RGS5: variants seen among roughly 807,000 people sequenced by gnomAD.
The protein encoded by RGS5 is regulator of G-protein signalling 5.
Under a neutral mutation model 18.9 loss-of-function variants are expected in RGS5, and 20 were observed. The ratio of observed to expected loss-of-function variants is 1.06; its 90% CI spans 0.74 to 1.54. RGS5 has a LOEUF of 1.54. RGS5 is among the 40% of genes most tolerant of loss of function. The pLI is 0.00. For missense variants in RGS5, 201 were observed against 211.8 expected, an observed-to-expected ratio of 0.95 and a Z score of 0.32; for synonymous variants, 57 against 76.2, an observed-to-expected ratio of 0.75 and a Z score of 1.31.
rs77059420 is a variant in RGS5 at position 163,159,462 on chromosome 1, A to G, written c.217+2453T>C. 9.3e-3 allele frequency among the ~76,000 whole-genome samples: 1,420 copies of G among 152,336 alleles called. 16 individuals carry two copies. The highest frequency in any genetic ancestry group is 0.036 in the South Asian group (175 of 4,830). ...ATTTATATTCTTCTGCCATGGCTTC[A>G]GTCGATCCCTCCATTCGGGGTCCCT... On this transcript the variant is annotated intron_variant, in intron 3 of 4. Transcript: ENST00000313961.
At chr1:163,194,242 G>A (rs994130043) in intron 1 of RGS5, among the ~76,000 whole-genome samples, 1 of 152,032 alleles carries the variant, frequency 6.6e-6, no homozygotes, top group African/African-American at 2.4e-5. Context: ...AAGAAATATG[G>A]GGTTCTTAAT....
chr1:163,198,800 T>C (rs1268390943), intron 1 of RGS5, among the ~76,000 whole-genome samples: 1 of 151,896 alleles, frequency 6.6e-6, no homozygotes, highest in Non-Finnish European at 1.5e-5. Flanking sequence ...CTGGCTAATA[T>C]TTGTGGTGTT....
At chr1:163,240,805 C>T (rs1647771026) in intron 2 of RGS5, among the ~76,000 whole-genome samples, 1 of 152,202 alleles carries the variant, frequency 6.6e-6, no homozygotes, top group Non-Finnish European at 1.5e-5. Flanking sequence ...GTGTGAGCCA[C>T]TGCACCAGGC....
intron 2 of RGS5, among the ~76,000 whole-genome samples, chr1:163,226,516 G>A (rs983841811): frequency 2.0e-5 from 3 of 152,104 alleles, no homozygotes; most frequent in Admixed American, 1.3e-4. Flanking sequence ...AAGAGGGCAC[G>A]TTGGGACTGG....
At chr1:163,277,988 T>C (rs1471344661) in intron 2 of RGS5, among the ~76,000 whole-genome samples, 1 of 150,962 alleles carries the variant, frequency 6.6e-6, no homozygotes, top group African/African-American at 2.4e-5. Context: ...AAAAAATAAA[T>C]AAAATAGAGA....
intron 1 of RGS5, among the ~76,000 whole-genome samples, chr1:163,178,082 C>A (rs1296002771): frequency 6.6e-6 from 1 of 152,138 alleles, no homozygotes; most frequent in Non-Finnish European, 1.5e-5. Flanking sequence ...GCGGGTGGAT[C>A]ACCTGAGGTC....
chr1:163,242,668 A>G (rs1322762037), intron 2 of RGS5, among the ~76,000 whole-genome samples: 1 of 152,162 alleles, frequency 6.6e-6, no homozygotes, highest in East Asian at 1.9e-4. Flanking sequence ...TTGTGTGTAT[A>G]TTGGTGGGAA....
At chr1:163,154,724 T>G (rs1295209716) in intron 3 of RGS5, among the ~76,000 whole-genome samples, 7 of 151,824 alleles carry the variant, frequency 4.6e-5, no homozygotes, top group Admixed American at 3.3e-4. Flanking sequence ...TTGTCTTAAC[T>G]TAGTGACACG....
intron 1 of RGS5, among the ~76,000 whole-genome samples, chr1:163,182,657 G>A (rs2102417609): frequency 6.6e-6 from 1 of 152,200 alleles, no homozygotes; most frequent in African/African-American, 2.4e-5. Flanking sequence ...CTGGACTTTT[G>A]GCAATTCATT....
At chr1:163,178,770 C>T (rs753926544) in intron 1 of RGS5, among the ~76,000 whole-genome samples, 10 of 152,188 alleles carry the variant, frequency 6.6e-5, no homozygotes, top group Non-Finnish European at 1.5e-4. Flanking sequence ...GGAGAACTTA[C>T]CATAAAATGG....
chr1:163,270,498 C>T (rs889298259), intron 2 of RGS5, among the ~76,000 whole-genome samples: 1 of 151,668 alleles, frequency 6.6e-6, no homozygotes, highest in Non-Finnish European at 1.5e-5. Flanking sequence ...CCAGCCTGGG[C>T]AAGAGAGAGA....
intron 2 of RGS5, among the ~76,000 whole-genome samples, chr1:163,302,764 C>T (rs998870311): frequency 4.6e-5 from 7 of 152,196 alleles, no homozygotes; most frequent in Non-Finnish European, 8.8e-5. Flanking sequence ...ATTCACTCTA[C>T]CGGAAATGAC....
intron 2 of RGS5, among the ~76,000 whole-genome samples, chr1:163,261,298 G>A (rs1648427980): frequency 6.6e-6 from 1 of 152,030 alleles, no homozygotes; most frequent in Non-Finnish European, 1.5e-5. Context: ...GGCTCTTCTA[G>A]GTATGGCAGT....
chr1:163,172,697 T>C, intron 1 of RGS5: 1 of 1,225,060 alleles, frequency 8.2e-7, no homozygotes, highest in Non-Finnish European at 1.1e-6. Flanking sequence ...CATTATAAAG[T>C]TAAGAGTATT....
intron 2 of RGS5, among the ~76,000 whole-genome samples, chr1:163,251,253 A>T (rs1405637378): frequency 6.6e-6 from 1 of 152,162 alleles, no homozygotes; most frequent in Non-Finnish European, 1.5e-5. Context: ...TTGGTTTCTC[A>T]GTGGAGTGGA....
chr1:163,182,777 G>A (rs929500590), intron 1 of RGS5, among the ~76,000 whole-genome samples: 1 of 152,116 alleles, frequency 6.6e-6, no homozygotes, highest in Non-Finnish European at 1.5e-5. Context: ...GGATTCCCAT[G>A]AGAGCTCCTC....
At chr1:163,208,518 T>TAA (rs55700806) in intron 1 of RGS5, among the ~76,000 whole-genome samples, 1,178 of 14,432 alleles carry the variant, frequency 0.082, 441 homozygotes, top group Non-Finnish European at 0.093. Context: ...CCACCTCCAT[T>TAA]AAAAAAAAAA....
intron 1 of RGS5, among the ~76,000 whole-genome samples, chr1:163,202,561 G>A (rs1659814980): frequency 6.6e-6 from 1 of 152,066 alleles, no homozygotes; most frequent in South Asian, 2.1e-4. Flanking sequence ...ATGATGTTCT[G>A]GATATTAAAT....
intron 2 of RGS5, among the ~76,000 whole-genome samples, chr1:163,301,464 C>T (rs547445172): frequency 1.7e-4 from 26 of 152,160 alleles, no homozygotes; most frequent in African/African-American, 5.8e-4. Context: ...TCCTGAGTAT[C>T]TGGAACTACG....
Sources: gnomAD v4.1 joint callset for allele counts (sites outside exome capture counted in the v4.1 genomes callset) on GRCh38, gnomAD v4.1.1 for gene constraint, MANE v1.5 for transcripts, NCBI Gene and HGNC (gene_info 2026-07-23, HGNC 2026-07-21) for gene names.